PCDHGB3: variants seen among roughly 807,000 people sequenced by gnomAD.
PCDHGB3 encodes protocadherin gamma subfamily B, 3, also known as protocadherin gamma-B3.
Under a neutral mutation model 59.2 loss-of-function variants are expected in PCDHGB3, and 40 were observed. That is an observed-to-expected ratio of 0.68 (90% CI 0.52 to 0.88). The LOEUF (loss-of-function observed/expected upper bound fraction) is 0.88. PCDHGB3 is among the 40% of genes least tolerant of loss of function. PCDHGB3 has a pLI of 0.00. For missense variants in PCDHGB3, 1,309 were observed against 1,187.9 expected (o/e 1.10, Z -1.50); for synonymous variants, 581 against 503.6 (o/e 1.15, Z -2.06).
chr5:141,460,511 A>G (rs533913282), intron 1 of PCDHGB3, among the ~76,000 whole-genome samples: 2 of 152,286 alleles, frequency 1.3e-5, no homozygotes, highest in Admixed American at 1.3e-4. Context: ...TGAGAAGGCT[A>G]TCTTTTCCCC....
At position 141,490,006 on chromosome 5, in the gene PCDHGB3, C is replaced by T; in HGVS notation, c.2416-4801C>T. The stretch of plus-strand genomic sequence containing the variant: ...ACGTGTGGGAATCCCAGAGAATGCA[C>T]CCATTGGTACTCTGCTGCTCCGCCT... On this transcript the variant is annotated intron_variant, in intron 1 of 3. Coordinates refer to ENST00000576222, the MANE Select transcript of PCDHGB3 (RefSeq NM_018924.5). This position sits in a 1 kb window ranked among gnomAD's most constrained non-coding sequence, Gnocchi z 5.4. 2 of 1,614,222 alleles carry T rather than the reference C, an allele frequency of 1.2e-6. No homozygotes were observed. The highest frequency in any genetic ancestry group is 1.7e-6 in the Non-Finnish European group (2 of 1,180,010).
chr5:141,421,174 C>T (rs2096550677), intron 1 of PCDHGB3: 2 of 1,378,742 alleles, frequency 1.5e-6, no homozygotes, highest in Non-Finnish European at 1.9e-6. Flanking sequence ...ATACATAAGC[C>T]GATTCACAAC....
At chr5:141,473,902 G>C (rs1593464039) in intron 1 of PCDHGB3, among the ~76,000 whole-genome samples, 1 of 152,240 alleles carries the variant, frequency 6.6e-6, no homozygotes, top group South Asian at 2.1e-4. Context: ...GGTTCATGAA[G>C]AGGTCTTAAG....
At chr5:141,398,727 A>G in intron 1 of PCDHGB3, 1 of 1,613,894 alleles carries the variant, frequency 6.2e-7, no homozygotes, top group Middle Eastern at 1.6e-4. Flanking sequence ...AGAAAACCTT[A>G]GACCGGGAAC....
chr5:141,371,809 C>T lies in PCDHGB3; in HGVS notation c.1415C>T (p.Ala472Val), dbSNP rs1768063576. The T allele has an allele frequency of 2.5e-6, 4 of 1,613,910 alleles. No homozygotes were observed. In the East Asian group the frequency reaches 6.7e-5, roughly 27 times the overall value. ...AENNPPGASI[A>V]HVRASDPDLG... ...AACAATCCGCCTGGAGCCTCCATTG[C>T]GCATGTCAGAGCCTCGGATCCCGAC... is the stretch of plus-strand genomic sequence containing the variant. The change falls in exon 1 of 4, where the codon GCG becomes GTG. Residue 472 changes from alanine to valine, a missense_variant. Transcript: ENST00000576222.
chr5:141,375,369 C>A lies in PCDHGB3; in HGVS notation c.2415+2560C>A. On this transcript the variant is annotated intron_variant, in intron 1 of 3. Coordinates refer to ENST00000576222, the MANE Select transcript of PCDHGB3 (RefSeq NM_018924.5). ...ACTGTGACAGCCACGGACAAAGGAA[C>A]ACCACCTCTGTCTACAGAAACAATC... 1 of 1,613,892 alleles carries A rather than the reference C, an allele frequency of 6.2e-7. No individual in the cohort carries two copies. Among genetic ancestry groups the A allele is most frequent in the South Asian group, 1.1e-5 (1 of 91,084 alleles).
chr5:141,466,486 T>C (rs1005010773), intron 1 of PCDHGB3, among the ~76,000 whole-genome samples: 1 of 152,240 alleles, frequency 6.6e-6, no homozygotes, highest in Non-Finnish European at 1.5e-5. Flanking sequence ...GTAGGTCTTC[T>C]TTAATTAGAG....
intron 1 of PCDHGB3, chr5:141,375,606 A>T: frequency 6.2e-7 from 1 of 1,613,922 alleles, no homozygotes; most frequent in Non-Finnish European, 8.5e-7. Context: ...GTGTCCATCA[A>T]CTCCGACACT....
chr5:141,399,448 G>A (rs1272959259), intron 1 of PCDHGB3: 5 of 1,613,872 alleles, frequency 3.1e-6, no homozygotes, highest in Non-Finnish European at 4.2e-6. Flanking sequence ...TATCAGAGAC[G>A]TCAACGATAA....
At chr5:141,399,415 T>C in intron 1 of PCDHGB3, 1 of 1,613,974 alleles carries the variant, frequency 6.2e-7, no homozygotes, top group Non-Finnish European at 8.5e-7. Context: ...GCCCCTCTCC[T>C]CCAGCATAAG....
intron 3 of PCDHGB3, 146 bp from the exon 4 acceptor site, chr5:141,510,801 A>G: frequency 6.7e-7 from 1 of 1,489,832 alleles, no homozygotes; most frequent in Non-Finnish European, 9.1e-7. Flanking sequence ...AAGAGAGACT[A>G]CCTTGGTGAC....
intron 1 of PCDHGB3, among the ~76,000 whole-genome samples, chr5:141,433,790 T>A (rs1052636810): frequency 2.0e-5 from 3 of 151,564 alleles, no homozygotes; most frequent in South Asian, 4.2e-4. Flanking sequence ...TGAGCTGAGA[T>A]TGTGCCATTG....
chr5:141,424,786 T>G (rs1219509852), intron 1 of PCDHGB3: 1 of 152,210 alleles, frequency 6.6e-6, no homozygotes, highest in Non-Finnish European at 1.5e-5. Flanking sequence ...ATTCAGTTCT[T>G]TTATTCAGAC....
At chr5:141,500,221 TTTA>T (rs1428029040) in intron 2 of PCDHGB3, among the ~76,000 whole-genome samples, 2 of 151,002 alleles carry the variant, frequency 1.3e-5, no homozygotes, top group Non-Finnish European at 2.9e-5. Flanking sequence ...TATTTATTTA[TTTA>T]TTGATACGTA....
chr5:141,415,579 A>G, intron 1 of PCDHGB3: 1 of 1,614,072 alleles, frequency 6.2e-7, no homozygotes, highest in East Asian at 2.2e-5. Flanking sequence ...AGATGATTCG[A>G]AGTTTCCTAT....
intron 1 of PCDHGB3, chr5:141,393,206 A>C (rs774279389): frequency 1.2e-6 from 2 of 1,613,470 alleles, no homozygotes; most frequent in African/African-American, 1.3e-5. Context: ...ATAATAACCC[A>C]AAATTCCAGG....
intron 1 of PCDHGB3, chr5:141,413,324 G>A: frequency 6.2e-7 from 1 of 1,613,968 alleles, no homozygotes; most frequent in South Asian, 1.1e-5. Context: ...TCTTTCGTGG[G>A]CAACATCTCC....
At chr5:141,507,831 T>C (rs2099864030) in intron 3 of PCDHGB3, among the ~76,000 whole-genome samples, 1 of 152,134 alleles carries the variant, frequency 6.6e-6, no homozygotes, top group African/African-American at 2.4e-5. Context: ...GTGGAGGTGG[T>C]GGGTCAGGCC....
At chr5:141,468,560 T>TA (rs2099169084) in intron 1 of PCDHGB3, 1 of 152,004 alleles carries the variant, frequency 6.6e-6, no homozygotes, top group Non-Finnish European at 1.5e-5. Context: ...ATTTGTGATA[T>TA]AGTAAACAAT....
Sources: gnomAD v4.1 joint callset for allele counts (sites outside exome capture counted in the v4.1 genomes callset) on GRCh38, gnomAD v4.1.1 for gene constraint, Gnocchi (gnomAD v3.1) non-coding constraint, MANE v1.5 for transcripts, NCBI Gene and HGNC (gene_info 2026-07-23, HGNC 2026-07-21) for gene names.